FMR1: variants seen among roughly 807,000 people sequenced by gnomAD.
FMR1 encodes the protein fragile X messenger ribonucleoprotein 1, also known as FMRP translational regulator 1.
FMR1 carries 13 observed loss-of-function variants against 50.6 expected under a neutral mutation model. The ratio of observed to expected loss-of-function variants is 0.26; its 90% CI spans 0.17 to 0.41. FMR1 has a LOEUF of 0.41. Among genes scored for constraint, FMR1 ranks in the 10% least tolerant of loss-of-function variants. FMR1 has a pLI of 1.00. For synonymous variants in FMR1, 138 were observed against 164.1 expected (o/e 0.84, Z 1.22); for missense variants, 316 against 491.3 (o/e 0.64, Z 3.37).
intron 1 of FMR1, among the ~76,000 whole-genome samples, chrX:147,921,461 G>GTA (rs782412079): frequency 0.014 from 1,519 of 107,480 alleles, 17 homozygotes; most frequent in Admixed American, 0.039. Flanking sequence ...TTGTGTGTGC[G>GTA]TATATATATA....
At chrX:147,914,817 T>A (rs2042767653) in intron 1 of FMR1, among the ~76,000 whole-genome samples, 1 of 112,113 alleles carries the variant, frequency 8.9e-6, no homozygotes, top group African/African-American at 3.2e-5. Context: ...AAATGAATAA[T>A]GATGAAATAA....
chrX:147,924,837 A>G (rs962573328), intron 2 of FMR1: 2 of 110,146 alleles, frequency 1.8e-5, no homozygotes, highest in Non-Finnish European at 3.8e-5. Context: ...ATTTTTATGG[A>G]TATAAAAAAT....
At position 147,912,136 on chromosome X, in the gene FMR1, C is replaced by G; in HGVS notation, c.-44C>G. ...CTGGGCCTCGAGCGCCCGCAGCCCA[C>G]CTCTCGGGGGCGGGCTCCCGGCGCT... On this transcript the variant is annotated 5_prime_UTR_variant, in exon 1 of 17. Coordinates refer to ENST00000370475, the MANE Select transcript of FMR1 (RefSeq NM_002024.6). 1.0e-6 allele frequency: 1 copy of G among 992,695 alleles called. No individual in the cohort carries two copies. The highest frequency in any genetic ancestry group is 1.3e-6 in the Non-Finnish European group (1 of 776,574). The allele number at this position is 992,695 out of a possible 1,213,427, so 81.8% of individuals were successfully genotyped here. A position where few individuals can be genotyped will look rare whatever the true frequency, so the allele number is the denominator to read the frequency against.
intron 11 of FMR1, 77 bp from the exon 12 acceptor site, chrX:147,938,022 G>C: frequency 1.3e-6 from 1 of 791,296 alleles, no homozygotes. Context: ...GTCCTGCAGT[G>C]AAAGTCCTGC....
intron 2 of FMR1, among the ~76,000 whole-genome samples, chrX:147,923,762 G>A (rs913943047): frequency 8.9e-6 from 1 of 111,763 alleles, no homozygotes; most frequent in Non-Finnish European, 1.9e-5. Context: ...TTTTCCTTGT[G>A]TTCATGGAGT....
chrX:147,942,589 A>C (rs1156727345), intron 13 of FMR1, among the ~76,000 whole-genome samples: 2 of 112,449 alleles, frequency 1.8e-5, no homozygotes, highest in Non-Finnish European at 3.7e-5. Context: ...TTGATGAAAA[A>C]ATCATTGTTC....
At chrX:147,932,658 G>A in intron 8 of FMR1, 27 bp from the exon 9 acceptor site, 1 of 1,198,882 alleles carries the variant, frequency 8.3e-7, no homozygotes, top group South Asian at 1.8e-5. Context: ...CTAATCTTTT[G>A]TCTTAAAATG....
intron 1 of FMR1, among the ~76,000 whole-genome samples, chrX:147,920,949 T>C (rs1415272454): frequency 9.0e-6 from 1 of 111,714 alleles, no homozygotes; most frequent in Non-Finnish European, 1.9e-5. Context: ...AAAGATAAAG[T>C]TGAAGAAGTG....
At chrX:147,944,560 T>A in intron 14 of FMR1, 4 of 906,254 alleles carry the variant, frequency 4.4e-6, no homozygotes, top group Non-Finnish European at 5.4e-6. Flanking sequence ...AGAGTATAGA[T>A]GTTTAAAGGA....
Position 147,932,496 on chromosome X carries a change from T to C in FMR1, c.702T>C (p.Ile234=), listed in dbSNP as rs1557178886. ...IVREDLMGLA[I]GTHGANIQQA... ...GAGAAGATCTGATGGGTCTAGCTATTGGTACTCATGGTGCTAATATTCAGC... is the reference window on the plus strand; with the variant it reads ...GAGAAGATCTGATGGGTCTAGCTATCGGTACTCATGGTGCTAATATTCAGC... The change falls in exon 8 of 17, where the codon ATT becomes ATC. Residue 234 remains isoleucine (I), a synonymous_variant. Coordinates refer to ENST00000370475, the MANE Select transcript of FMR1 (RefSeq NM_002024.6). 8.3e-7 allele frequency: 1 copy of C among 1,205,743 alleles called. No homozygotes were observed. The highest frequency in any genetic ancestry group is 2.2e-5 in the Admixed American group (1 of 46,023).
chrX:147,912,113 G>GCGGCGGCGGAGGCGGCGGC lies in FMR1; in HGVS notation c.-67_-66insCGGCGGCGGAGGCGGCGGC, dbSNP rs1557173927. The GCGGCGGCGGAGGCGGCGGC allele has an allele frequency of 1.3e-6, 1 of 789,276 alleles. No individual in the cohort carries two copies. Among genetic ancestry groups the GCGGCGGCGGAGGCGGCGGC allele is most frequent in the Admixed American group, 6.1e-5 (1 of 16,476 alleles). 65.0% of individuals were successfully genotyped at this position (789,276 alleles called of 1,213,427 possible). ...GGCGGCGGCGGCGGCGGCGGCGGCT[G>GCGGCGGCGGAGGCGGCGGC]GGCCTCGAGCGCCCGCAGCCCACCT... is the stretch of plus-strand genomic sequence containing the variant. On this transcript the variant is annotated 5_prime_UTR_variant, in exon 1 of 17. Coordinates refer to ENST00000370475, the MANE Select transcript of FMR1 (RefSeq NM_002024.6).
chrX:147,912,819 A>C (rs1369587350), intron 1 of FMR1: 3 of 295,857 alleles, frequency 1.0e-5, no homozygotes, highest in East Asian at 9.5e-5. Context: ...CACAATGGCA[A>C]CTGATTTTTA....
chrX:147,935,535 C>T (rs1297648360), intron 9 of FMR1, among the ~76,000 whole-genome samples: 2 of 112,276 alleles, frequency 1.8e-5, no homozygotes, highest in Non-Finnish European at 3.8e-5. Context: ...TGTAAGGGTA[C>T]TTAGGTACCT....
At chrX:147,923,236 G>C (rs1557176802) in intron 2 of FMR1, among the ~76,000 whole-genome samples, 3 of 111,688 alleles carry the variant, frequency 2.7e-5, no homozygotes. Flanking sequence ...TCTGGCTCTG[G>C]ACTAATAATC....
At chrX:147,936,483 C>T in intron 9 of FMR1, 21 bp from the exon 10 acceptor site, 1 of 1,066,295 alleles carries the variant, frequency 9.4e-7, no homozygotes, top group Non-Finnish European at 1.3e-6. Flanking sequence ...TAAAACCAAA[C>T]TTGATTTATT....
At chrX:147,920,574 G>C (rs1429040193) in intron 1 of FMR1, among the ~76,000 whole-genome samples, 1 of 111,597 alleles carries the variant, frequency 9.0e-6, no homozygotes, top group Non-Finnish European at 1.9e-5. Flanking sequence ...TGATCTATTT[G>C]ATAAGTACTC....
rs781804533 is a variant in FMR1, at chrX:147,943,111, A to T, written c.1276-20A>T. On this transcript the variant is annotated intron_variant, in intron 13 of 16. Coordinates refer to ENST00000370475, the MANE Select transcript of FMR1 (RefSeq NM_002024.6). ...AAAATGTCAAATTATTTTTACTGTT[A>T]TCTTGTATATTTTAAATAGGAAGTA... 4.3e-6 allele frequency: 5 copies of T among 1,158,126 alleles called. No homozygotes were observed. The highest frequency in any genetic ancestry group is 5.9e-6 in the Non-Finnish European group (5 of 846,907).
At position 147,921,951 on chromosome X, in the gene FMR1, C is replaced by A; in HGVS notation, c.70C>A (p.His24Asn). Residue 24 changes from histidine to asparagine, a missense_variant, in exon 2 of 17, where the codon CAT (histidine) becomes AAT (asparagine). Physicochemically the swap from His to Asn is moderately conservative, Grantham distance 68 (BLOSUM62 1). This residue lies in a region of FMR1 where 124 missense variants were observed against 238.1 expected (regional missense o/e 0.52). Coordinates refer to ENST00000370475, the MANE Select transcript of FMR1 (RefSeq NM_002024.6). ...TACACAGGCATTTGTAAAGGATGTTCATGAAGATTCAATAACAGTTGCATT... is the reference window on the plus strand; with the variant it reads ...TACACAGGCATTTGTAAAGGATGTTAATGAAGATTCAATAACAGTTGCATT... ...AFYKAFVKDV[H>N]EDSITVAFEN... The A allele has an allele frequency of 8.7e-7, 1 of 1,148,847 alleles. No homozygotes were observed. The highest frequency in any genetic ancestry group is 1.8e-5 in the African/African-American group (1 of 56,722). 94.7% of individuals were successfully genotyped at this position (1,148,847 alleles called of 1,213,427 possible). A position where few individuals can be genotyped will look rare whatever the true frequency, so the allele number is the denominator to read the frequency against.
chrX:147,928,169 A>G (rs1277769513), intron 3 of FMR1, 153 bp from the exon 4 acceptor site: 10 of 481,790 alleles, frequency 2.1e-5, no homozygotes, highest in Admixed American at 6.7e-5. Context: ...CTCGGGGTAC[A>G]TAGACAGGGT....
Sources: gnomAD v4.1 joint callset for allele counts (sites outside exome capture counted in the v4.1 genomes callset) on GRCh38, gnomAD v4.1.1 for gene constraint, gnomAD v4.1.1 regional missense constraint, MANE v1.5 for transcripts, NCBI Gene and HGNC (gene_info 2026-07-23, HGNC 2026-07-21) for gene names.